NRXN3: variants seen among roughly 807,000 people sequenced by gnomAD.
NRXN3 encodes the protein neurexin III.
A neutral mutation model predicts 137.6 loss-of-function variants in NRXN3; 32 were observed. The observed-to-expected ratio is 0.23, with a 90% CI of 0.18 to 0.31. NRXN3 has a LOEUF of 0.31. Among genes scored for constraint, NRXN3 ranks in the 10% least tolerant of loss-of-function variants. NRXN3 has a pLI of 1.00. For synonymous variants in NRXN3, 798 were observed against 784.5 expected (o/e 1.02, Z -0.29); for missense variants, 1,574 against 2,062.5 (o/e 0.76, Z 4.59).
At chr14:79,740,408 T>C (rs774648897) in intron 19 of NRXN3, among the ~76,000 whole-genome samples, 7 of 151,924 alleles carry the variant, frequency 4.6e-5, no homozygotes, top group Non-Finnish European at 8.8e-5. Flanking sequence ...AGGAGAGAGT[T>C]TCAGATTTCT....
chr14:78,799,713 G>T (rs1046625112), intron 8 of NRXN3, among the ~76,000 whole-genome samples: 1 of 152,062 alleles, frequency 6.6e-6, no homozygotes, highest in African/African-American at 2.4e-5. Context: ...ATGTGGCTGG[G>T]GACACCTCAC....
intron 15 of NRXN3, among the ~76,000 whole-genome samples, chr14:79,257,585 AATG>A (rs1347577034): frequency 6.3e-5 from 1 of 15,946 alleles, no homozygotes; most frequent in Non-Finnish European, 1.3e-4. Context: ...TGGTGATGGT[AATG>A]ATGGTGGTGG....
intron 15 of NRXN3, among the ~76,000 whole-genome samples, chr14:79,026,597 A>G (rs1425752014): frequency 2.6e-5 from 4 of 152,156 alleles, no homozygotes; most frequent in Non-Finnish European, 4.4e-5. Flanking sequence ...AGGAAAAAAT[A>G]TCACCCCAGT....
intron 16 of NRXN3, among the ~76,000 whole-genome samples, chr14:79,470,597 C>G (rs1193901802): frequency 6.6e-6 from 1 of 152,108 alleles, no homozygotes; most frequent in Admixed American, 6.5e-5. Context: ...TTTTGGGAGA[C>G]ATATTCAGAG....
intron 6 of NRXN3, among the ~76,000 whole-genome samples, chr14:78,692,451 G>A (rs961783634): frequency 2.6e-5 from 4 of 152,196 alleles, no homozygotes; most frequent in African/African-American, 4.8e-5. Context: ...ATAGGTAGGT[G>A]TCTTTGGTGA....
intron 4 of NRXN3, among the ~76,000 whole-genome samples, chr14:78,420,246 T>TA (rs1226991331): frequency 6.6e-6 from 1 of 152,186 alleles, no homozygotes; most frequent in African/African-American, 2.4e-5. Flanking sequence ...CAAATATATA[T>TA]TTTTTAAATC....
At chr14:78,233,080 A>C (rs568468193) in intron 1 of NRXN3, among the ~76,000 whole-genome samples, 22 of 152,346 alleles carry the variant, frequency 1.4e-4, no homozygotes, top group African/African-American at 5.1e-4. Flanking sequence ...AGTAGGTGGA[A>C]AAGAGACTGT....
chr14:78,473,270 C>T (rs142254877), intron 4 of NRXN3, among the ~76,000 whole-genome samples: 1,841 of 151,900 alleles, frequency 0.012, 39 homozygotes, highest in African/African-American at 0.042. Flanking sequence ...GGCGTGGTGG[C>T]GGGCTCCTGT....
intron 16 of NRXN3, among the ~76,000 whole-genome samples, chr14:79,516,426 G>T (rs1159853033): frequency 1.3e-5 from 2 of 152,176 alleles, no homozygotes; most frequent in African/African-American, 4.8e-5. Context: ...TGCTCAACTA[G>T]CAGGAGTGTT....
At chr14:78,716,035 G>T (rs967484907) in intron 8 of NRXN3, among the ~76,000 whole-genome samples, 2 of 151,988 alleles carry the variant, frequency 1.3e-5, no homozygotes, top group African/African-American at 4.8e-5. Flanking sequence ...GTCCAGAATA[G>T]AATTGGGGAA....
chr14:79,517,959 A>T (rs2097013836), intron 16 of NRXN3, among the ~76,000 whole-genome samples: 1 of 125,042 alleles, frequency 8.0e-6, no homozygotes, highest in Admixed American at 1.1e-4. Context: ...AGGCTGGAGT[A>T]CAGTGGTGCG....
At chr14:78,594,661 A>G (rs1388310250) in intron 4 of NRXN3, among the ~76,000 whole-genome samples, 3 of 152,154 alleles carry the variant, frequency 2.0e-5, no homozygotes, top group South Asian at 2.1e-4. Context: ...ATTCCAGTCC[A>G]TTTCCTATGA....
rs113465086 is a variant in NRXN3 at position 78,439,926 on chromosome 14, T to C, written c.757+142066T>C. ...CAGTCTGCCTACTCCTACCCTGATC[T>C]GGACCCCAGGCCCCAAATGCCAGGA... On this transcript the variant is annotated intron_variant, in intron 4 of 20. Transcript: ENST00000335750. Among the ~76,000 whole-genome samples, 1,471 of 152,324 alleles carry C rather than the reference T, an allele frequency of 9.7e-3. 12 individuals carry two copies. Among genetic ancestry groups the C allele is most frequent in the Middle Eastern group, 0.024 (7 of 294 alleles).
chr14:78,284,572 A>G (rs2074897468), intron 3 of NRXN3, among the ~76,000 whole-genome samples: 2 of 152,170 alleles, frequency 1.3e-5, no homozygotes, highest in African/African-American at 4.8e-5. Flanking sequence ...TCCTTTAAGC[A>G]CATGTTTCCA....
chr14:79,699,215 T>G (rs2098745906), intron 19 of NRXN3, among the ~76,000 whole-genome samples: 1 of 152,010 alleles, frequency 6.6e-6, no homozygotes. Flanking sequence ...TCTTCTCTAC[T>G]GATATTAAAC....
At chr14:79,376,076 ATTGTTT>A (rs2094269404) in intron 15 of NRXN3, among the ~76,000 whole-genome samples, 1 of 147,754 alleles carries the variant, frequency 6.8e-6, no homozygotes, top group Admixed American at 6.8e-5. Flanking sequence ...TCTCACAAAT[ATTGTTT>A]TAGTCATCAT....
chr14:79,459,389 G>A (rs1248639961), intron 15 of NRXN3, among the ~76,000 whole-genome samples: 2 of 152,070 alleles, frequency 1.3e-5, no homozygotes, highest in Admixed American at 1.3e-4. Flanking sequence ...ATTTTGGTGG[G>A]CCCTCATCCA....
At chr14:78,730,460 G>A (rs190559303) in intron 8 of NRXN3, among the ~76,000 whole-genome samples, 23 of 151,098 alleles carry the variant, frequency 1.5e-4, no homozygotes, top group Non-Finnish European at 1.2e-4. Flanking sequence ...TCTATTTATC[G>A]TTTAAGCTTG....
chr14:78,304,798 G>A (rs868500005), intron 4 of NRXN3, among the ~76,000 whole-genome samples: 1 of 152,150 alleles, frequency 6.6e-6, no homozygotes, highest in African/African-American at 2.4e-5. Context: ...ACTGGAGAGT[G>A]CAAGTCCCAT....
Sources: gnomAD v4.1 joint callset for allele counts (sites outside exome capture counted in the v4.1 genomes callset) on GRCh38, gnomAD v4.1.1 for gene constraint, MANE v1.5 for transcripts, NCBI Gene and HGNC (gene_info 2026-07-23, HGNC 2026-07-21) for gene names.